Variants in FAM222B observed in about 807,000 individuals in gnomAD.
FAM222B encodes the protein protein FAM222B.
In FAM222B, 12 loss-of-function variants were observed where a neutral mutation model predicts 38.0. The ratio of observed to expected loss-of-function variants is 0.32; its 90% confidence interval spans 0.20 to 0.51. The LOEUF (loss-of-function observed/expected upper bound fraction) is 0.51, where lower values mean the gene tolerates loss of function less well. FAM222B is among the 20% of genes least tolerant of loss of function. The pLI is 0.97. For missense variants in FAM222B, 716 were observed against 754.2 expected (o/e 0.95, Z 0.59); for synonymous variants, 329 against 317.2 (o/e 1.04, Z -0.40).
At chr17:28,775,789 G>GA (rs1422780968) in intron 1 of FAM222B, among the ~76,000 whole-genome samples, 2 of 151,456 alleles carry the variant, frequency 1.3e-5, no homozygotes, top group Non-Finnish European at 2.9e-5. Context: ...GCTGAAGCAG[G>GA]AGAATCACTT....
At chr17:28,822,435 C>A (rs557518843) in intron 1 of FAM222B, among the ~76,000 whole-genome samples, 2 of 150,960 alleles carry the variant, frequency 1.3e-5, no homozygotes, top group South Asian at 2.1e-4. Context: ...ACCAGCCTGG[C>A]CAACATGGTG....
intron 1 of FAM222B, among the ~76,000 whole-genome samples, chr17:28,805,729 T>C (rs2037465224): frequency 1.3e-5 from 2 of 152,168 alleles, no homozygotes; most frequent in Admixed American, 6.5e-5. Flanking sequence ...ATACAGGTTC[T>C]TGGCTATCTT....
intron 1 of FAM222B, among the ~76,000 whole-genome samples, chr17:28,854,348 A>G (rs2039208899): frequency 6.6e-6 from 1 of 152,198 alleles, no homozygotes; most frequent in Non-Finnish European, 1.5e-5. Context: ...GCGGTCTAGG[A>G]GACCTTAGGT....
chr17:28,815,887 A>C (rs1361595245), intron 1 of FAM222B, among the ~76,000 whole-genome samples: 1 of 151,884 alleles, frequency 6.6e-6, no homozygotes, highest in Non-Finnish European at 1.5e-5. Context: ...GAATCGCTTG[A>C]AACCGGGAGG....
chr17:28,840,323 G>A (rs962908198), intron 1 of FAM222B, among the ~76,000 whole-genome samples: 3 of 152,004 alleles, frequency 2.0e-5, no homozygotes, highest in Non-Finnish European at 1.5e-5. Flanking sequence ...CCGAGATTGC[G>A]CTACTGCACT....
At chr17:28,795,901 G>GTGAA (rs1219098401) in intron 1 of FAM222B, among the ~76,000 whole-genome samples, 11 of 152,284 alleles carry the variant, frequency 7.2e-5, no homozygotes, top group African/African-American at 2.6e-4. Flanking sequence ...ATAAGCAACA[G>GTGAA]TGAACTCAAG....
chr17:28,822,832 A>AAAAAATATAT (rs1567887716), intron 1 of FAM222B, among the ~76,000 whole-genome samples: 1 of 42,806 alleles, frequency 2.3e-5, no homozygotes, highest in Admixed American at 3.9e-4. Flanking sequence ...AAAAAAAAAA[A>AAAAAATATAT]ATATATATAT....
In FAM222B at chr17:28,758,208, TAA is replaced by T; in HGVS notation, c.*60_*61del. 7.3e-7 allele frequency: 1 copy of T among 1,366,310 alleles called. No homozygotes were observed. Among genetic ancestry groups the T allele is most frequent in the Non-Finnish European group, 1.0e-6 (1 of 998,474 alleles). 84.6% of individuals were successfully genotyped at this position (1,366,310 alleles called of 1,614,324 possible). A position where few individuals can be genotyped will look rare whatever the true frequency, so the allele number is the denominator to read the frequency against. On this transcript the variant is annotated 3_prime_UTR_variant, in exon 3 of 3. Coordinates refer to ENST00000581407, the MANE Select transcript of FAM222B (RefSeq NM_001077498.3). ...GAAACTTTGAAACTATCCAGTTACTTAAAAGACTAAACCTAGGAGGGTGATGT... is the reference window on the plus strand; with the variant it reads ...GAAACTTTGAAACTATCCAGTTACTTAAGACTAAACCTAGGAGGGTGATGT...
At chr17:28,783,177 A>G (rs762589143) in intron 1 of FAM222B, among the ~76,000 whole-genome samples, 2 of 151,776 alleles carry the variant, frequency 1.3e-5, no homozygotes, top group African/African-American at 4.8e-5. Context: ...TAGACTGTCT[A>G]GTTTAGGATA....
At chr17:28,777,251 C>G (rs1020964639) in intron 1 of FAM222B, 1 of 152,162 alleles carries the variant, frequency 6.6e-6, no homozygotes, top group Non-Finnish European at 1.5e-5. Context: ...TGCTGCTGAA[C>G]ACATGTGGCT....
upstream of FAM222B, among the ~76,000 whole-genome samples, chr17:28,843,207 C>T (rs1268344971): frequency 1.3e-5 from 2 of 150,772 alleles, no homozygotes; most frequent in Non-Finnish European, 2.9e-5. Context: ...GGCGTGATCT[C>T]GGCTCAAACA....
chr17:28,843,136 GT>G (rs1216511057), upstream of FAM222B, among the ~76,000 whole-genome samples: 2 of 139,288 alleles, frequency 1.4e-5, no homozygotes, highest in South Asian at 2.4e-4. Context: ...ATAAATTTGG[GT>G]CTTTTTTTTT....
intron 2 of FAM222B, 96 bp downstream of exon 2, chr17:28,766,490 C>A: frequency 1.6e-5 from 14 of 895,678 alleles, no homozygotes; most frequent in South Asian, 5.0e-5. Context: ...TGTCAAAATT[C>A]AAGGTCAGTG....
At chr17:28,775,357 A>C (rs1245307517) in intron 1 of FAM222B, among the ~76,000 whole-genome samples, 2 of 151,884 alleles carry the variant, frequency 1.3e-5, no homozygotes, top group Admixed American at 1.3e-4. Context: ...AATGGGGGAT[A>C]AAGTGATCTC....
Position 28,758,825 on chromosome 17 carries a change from G to T in FAM222B, c.1134C>A (p.Ser378Arg). ...CAGGGGCTGGCGTCCCACTAGCCTC[G>T]CTGCACATCTGCTGTAGGTGGGCCA... ...HQLAHLQQMC[S>R]EASGTPAPGL... The change falls in exon 3 of 3, where the codon AGC (serine) becomes AGA (arginine). Residue 378 changes from serine (S) to arginine (R), a missense_variant. Ser to Arg is a moderately radical substitution (Grantham distance 110). Transcript: ENST00000581407. The T allele has an allele frequency of 6.3e-7, 1 of 1,592,736 alleles. No homozygotes were observed. Among genetic ancestry groups the T allele is most frequent in the African/African-American group, 1.3e-5 (1 of 74,614 alleles).
chr17:28,815,847 A>C lies in FAM222B; in HGVS notation c.-41+26835T>G, dbSNP rs890698210. On this transcript the variant is annotated intron_variant, in intron 1 of 2. Transcript: ENST00000581407. ...CCAAGTGTGGTGGCGCGCATCTGTA[A>C]TCCCAGCTACTCAGCAGGCTGAGGT... 5.3e-5 allele frequency among the ~76,000 whole-genome samples: 8 copies of C among 151,874 alleles called. No individual in the cohort carries two copies. The East Asian group carries it at 1.3e-3, about 26-fold the overall frequency.
intron 1 of FAM222B, 59 bp from the exon 2 acceptor site, chr17:28,766,766 AG>A: frequency 7.3e-6 from 7 of 964,952 alleles, no homozygotes; most frequent in Non-Finnish European, 8.1e-6. Flanking sequence ...AGAAGAGAGT[AG>A]GAACACTGGA....
intron 1 of FAM222B, among the ~76,000 whole-genome samples, chr17:28,835,854 T>C (rs2038829223): frequency 6.6e-6 from 1 of 151,976 alleles, no homozygotes; most frequent in South Asian, 2.1e-4. Flanking sequence ...TTTTATTTTT[T>C]TGTAAAGAGA....
At chr17:28,825,421 G>A (rs2038403764) in intron 1 of FAM222B, among the ~76,000 whole-genome samples, 1 of 131,168 alleles carries the variant, frequency 7.6e-6, no homozygotes, top group African/African-American at 2.8e-5. Flanking sequence ...GTGACAGAGT[G>A]AGATCCCGTC....
Sources: allele counts gnomAD v4.1 joint callset (sites outside exome capture counted in the v4.1 genomes callset), GRCh38; gene constraint gnomAD v4.1.1; transcripts MANE v1.5; gene names NCBI Gene and HGNC (gene_info 2026-07-23, HGNC 2026-07-21).